Variants in GMDS observed in about 807,000 individuals in gnomAD.
The protein encoded by GMDS is GDP-mannose 4,6-dehydratase.
In GMDS, 20 loss-of-function variants were observed where a neutral mutation model predicts 49.9. The observed-to-expected ratio is 0.40, with a 90% confidence interval of 0.28 to 0.58. GMDS has a LOEUF of 0.58. GMDS is among the 20% of genes least tolerant of loss of function. The pLI is 0.42. For missense variants in GMDS, 362 were observed against 481.4 expected (o/e 0.75, Z 2.32); for synonymous variants, 177 against 178.6 (o/e 0.99, Z 0.07).
At chr6:1,960,671 G>T (rs759198545) in intron 5 of GMDS, 103 bp downstream of exon 5, 28 of 692,890 alleles carry the variant, frequency 4.0e-5, no homozygotes, top group Non-Finnish European at 5.7e-5. Context: ...ACACCCAAAT[G>T]ACTTCAGCTG....
chr6:2,097,941 A>C (rs952397209), intron 4 of GMDS, among the ~76,000 whole-genome samples: 8 of 152,076 alleles, frequency 5.3e-5, no homozygotes, highest in Non-Finnish European at 1.0e-4. Flanking sequence ...AAAACAAAAC[A>C]ACTTTCAAAC....
intron 9 of GMDS, among the ~76,000 whole-genome samples, chr6:1,637,533 T>A (rs1424417564): frequency 6.6e-6 from 1 of 152,256 alleles, no homozygotes; most frequent in Non-Finnish European, 1.5e-5. Flanking sequence ...CGGACACTTG[T>A]GGCACCTTAT....
chr6:1,625,866 G>T (rs1341429422), intron 9 of GMDS, among the ~76,000 whole-genome samples: 2 of 152,182 alleles, frequency 1.3e-5, no homozygotes, highest in East Asian at 3.8e-4. Context: ...CGCAAAGGCC[G>T]TACGAAAATA....
chr6:2,071,212 C>T (rs1000736816), intron 4 of GMDS, among the ~76,000 whole-genome samples: 3 of 152,174 alleles, frequency 2.0e-5, no homozygotes, highest in South Asian at 4.1e-4. Flanking sequence ...TCCTAAATTC[C>T]CTGTTAAATT....
chr6:2,116,245 T>C (rs1774842356), intron 3 of GMDS, among the ~76,000 whole-genome samples: 2 of 151,784 alleles, frequency 1.3e-5, no homozygotes, highest in Admixed American at 6.6e-5. Flanking sequence ...GTATACCATC[T>C]AAAGCAATCC....
chr6:2,193,897 G>A (rs1468182867), intron 1 of GMDS, among the ~76,000 whole-genome samples: 2 of 151,740 alleles, frequency 1.3e-5, no homozygotes, highest in African/African-American at 4.8e-5. Flanking sequence ...CTAATTTTTT[G>A]TATTTTTAGT....
chr6:1,835,871 T>TTTTATTTATTTTATTTTATTA (rs1756900738), intron 7 of GMDS, among the ~76,000 whole-genome samples: 1 of 151,662 alleles, frequency 6.6e-6, no homozygotes, highest in Admixed American at 6.6e-5. Context: ...TTATTTTATT[T>TTTTATTTATTTTATTTTATTA]TTTATTTATT....
chr6:1,720,075 C>A (rs1283531327), intron 9 of GMDS, among the ~76,000 whole-genome samples: 1 of 152,054 alleles, frequency 6.6e-6, no homozygotes, highest in Non-Finnish European at 1.5e-5. Context: ...AGATACATAG[C>A]TATGTATAGC....
Position 1,996,318 on chromosome 6 carries a change from G to T in GMDS, c.346-35352C>A, listed in dbSNP as rs970066721. 2.0e-5 allele frequency among the ~76,000 whole-genome samples: 3 copies of T among 152,062 alleles called. No individual in the cohort carries two copies. The East Asian group carries it at 5.8e-4, about 29-fold the overall frequency. Reference sequence around the variant, plus strand: ...TCCTCACTGGGAGTGCATCTTCTGGGTAGTGTACCTTTTTAAGAGACAGGG... The same window carrying T: ...TCCTCACTGGGAGTGCATCTTCTGGTTAGTGTACCTTTTTAAGAGACAGGG... On this transcript the variant is annotated intron_variant, in intron 4 of 10. Transcript: ENST00000380815.
At chr6:1,896,627 G>C (rs1361933330) in intron 7 of GMDS, among the ~76,000 whole-genome samples, 3 of 152,132 alleles carry the variant, frequency 2.0e-5, no homozygotes, top group Non-Finnish European at 4.4e-5. Flanking sequence ...TGTGAGGCGG[G>C]AGCAGAGTCA....
At chr6:1,847,793 C>G (rs1757476434) in intron 7 of GMDS, among the ~76,000 whole-genome samples, 1 of 152,140 alleles carries the variant, frequency 6.6e-6, no homozygotes, top group African/African-American at 2.4e-5. Context: ...ACAGTGTCTA[C>G]CCAGGCAACA....
intron 4 of GMDS, among the ~76,000 whole-genome samples, chr6:1,971,298 C>A (rs1764598175): frequency 6.6e-6 from 1 of 152,152 alleles, no homozygotes; most frequent in South Asian, 2.1e-4. Flanking sequence ...TCCAGCCCAG[C>A]CCAAGGCCCA....
intron 7 of GMDS, among the ~76,000 whole-genome samples, chr6:1,867,934 A>G (rs928122155): frequency 4.0e-5 from 6 of 151,838 alleles, no homozygotes; most frequent in African/African-American, 1.5e-4. Flanking sequence ...GCTTCCCCCA[A>G]CAGATGATCC....
intron 7 of GMDS, among the ~76,000 whole-genome samples, chr6:1,753,855 A>G (rs1424287881): frequency 2.0e-5 from 3 of 152,172 alleles, no homozygotes; most frequent in African/African-American, 7.2e-5. Flanking sequence ...GACACAACAC[A>G]CCAGAATCTC....
intron 7 of GMDS, among the ~76,000 whole-genome samples, chr6:1,854,738 C>G (rs1417738569): frequency 6.6e-6 from 1 of 152,200 alleles, no homozygotes; most frequent in East Asian, 1.9e-4. Flanking sequence ...GCAGCCTTAT[C>G]TCCAATGTCT....
At chr6:2,208,255 G>A (rs1053461766) in intron 1 of GMDS, among the ~76,000 whole-genome samples, 1 of 152,136 alleles carries the variant, frequency 6.6e-6, no homozygotes, top group Non-Finnish European at 1.5e-5. Flanking sequence ...ACTGCTGCTG[G>A]AGCAGTTTAG....
intron 6 of GMDS, among the ~76,000 whole-genome samples, chr6:1,955,405 C>T (rs942806911): frequency 2.6e-5 from 4 of 152,154 alleles, no homozygotes; most frequent in Non-Finnish European, 5.9e-5. Context: ...GTATATAATA[C>T]ATAGTAATAG....
chr6:2,148,452 C>T (rs1172761609), intron 1 of GMDS, among the ~76,000 whole-genome samples: 3 of 152,042 alleles, frequency 2.0e-5, no homozygotes, highest in Non-Finnish European at 4.4e-5. Context: ...TGGAGTTTAC[C>T]TCTTGTCGCC....
intron 4 of GMDS, among the ~76,000 whole-genome samples, chr6:2,061,217 C>G (rs1165814377): frequency 6.6e-6 from 1 of 152,042 alleles, no homozygotes; most frequent in Non-Finnish European, 1.5e-5. Flanking sequence ...CCCTGGAAAC[C>G]CTTGCAAACA....
Sources: allele counts gnomAD v4.1 joint callset (sites outside exome capture counted in the v4.1 genomes callset), GRCh38; gene constraint gnomAD v4.1.1; transcripts MANE v1.5; gene names NCBI Gene and HGNC (gene_info 2026-07-23, HGNC 2026-07-21).